PLA2G5: variants seen among roughly 807,000 people sequenced by gnomAD.
The protein encoded by PLA2G5 is phospholipase A2 group V, also known as Ca2+-dependent phospholipase A2.
A neutral mutation model predicts 15.9 loss-of-function variants in PLA2G5; 12 were observed. The ratio of observed to expected loss-of-function variants is 0.76; its 90% confidence interval spans 0.48 to 1.23. The LOEUF (loss-of-function observed/expected upper bound fraction) is 1.23. Ranked by LOEUF, PLA2G5 falls within the 50% of genes most tolerant of loss-of-function variation. The pLI, the probability that PLA2G5 is intolerant of heterozygous loss-of-function variation, is 0.00. For synonymous variants in PLA2G5, 71 were observed against 71.4 expected (o/e 0.99, Z 0.03); for missense variants, 169 against 177.1 (o/e 0.95, Z 0.26).
chr1:20,029,407 G>A (rs11588078), intron 1 of PLA2G5, among the ~76,000 whole-genome samples: 80 of 151,912 alleles, frequency 5.3e-4, no homozygotes, highest in African/African-American at 1.7e-3. Context: ...ATGTTCCTCC[G>A]CTGATATGCT....
chr1:20,077,250 G>T (rs2015738383), intron 1 of PLA2G5, among the ~76,000 whole-genome samples: 1 of 152,194 alleles, frequency 6.6e-6, no homozygotes, highest in African/African-American at 2.4e-5. Context: ...TGAATGATTG[G>T]ATCCATTGCC....
At chr1:20,062,395 A>G (rs2014779671) in intron 2 of PLA2G5, among the ~76,000 whole-genome samples, 1 of 152,194 alleles carries the variant, frequency 6.6e-6, no homozygotes, top group Non-Finnish European at 1.5e-5. Flanking sequence ...ACCAATGCGG[A>G]GTTCCCAGAC....
intron 3 of PLA2G5, among the ~76,000 whole-genome samples, chr1:20,087,214 T>C (rs537982953): frequency 1.3e-5 from 2 of 152,318 alleles, no homozygotes; most frequent in South Asian, 4.1e-4. Context: ...AAATGGTGTT[T>C]CCTCTGTAAG....
intron 1 of PLA2G5, among the ~76,000 whole-genome samples, chr1:20,074,816 A>G (rs552542982): frequency 3.3e-5 from 5 of 152,344 alleles, no homozygotes; most frequent in African/African-American, 9.6e-5. Flanking sequence ...CTGGAGCCAC[A>G]TGGGACAGTT....
intron 1 of PLA2G5, among the ~76,000 whole-genome samples, chr1:20,079,886 A>C (rs904310551): frequency 6.6e-6 from 1 of 152,202 alleles, no homozygotes; most frequent in Non-Finnish European, 1.5e-5. Context: ...GCACAGAGTC[A>C]GGTGCCAAAA....
At chr1:20,047,744 GTGTGTGTGTGTGTA>G (rs1339289022) in intron 1 of PLA2G5, among the ~76,000 whole-genome samples, 2 of 151,592 alleles carry the variant, frequency 1.3e-5, no homozygotes, top group Non-Finnish European at 2.9e-5. Flanking sequence ...GTGTGTGTGT[GTGTGTGTGTGTGTA>G]TGTGTATATA....
intron 1 of PLA2G5, chr1:20,076,837 G>C (rs181525227): frequency 6.6e-6 from 1 of 152,276 alleles, no homozygotes; most frequent in African/African-American, 2.4e-5. Context: ...TGGAAAGAAG[G>C]ATCATGGAAG....
intron 2 of PLA2G5, among the ~76,000 whole-genome samples, chr1:20,059,922 C>G (rs988724969): frequency 2.2e-4 from 34 of 152,176 alleles, no homozygotes; most frequent in Admixed American, 2.2e-3. Flanking sequence ...CAGATCAGTT[C>G]TGGGATGTGA....
At chr1:20,078,452 G>A (rs2015817619) in intron 1 of PLA2G5, among the ~76,000 whole-genome samples, 1 of 152,060 alleles carries the variant, frequency 6.6e-6, no homozygotes, top group African/African-American at 2.4e-5. Flanking sequence ...TGGTTGAGAA[G>A]AAGAAACGAA....
At chr1:20,066,323 C>T (rs2015024855), upstream of PLA2G5, among the ~76,000 whole-genome samples, 1 of 152,110 alleles carries the variant, frequency 6.6e-6, no homozygotes, top group Admixed American at 6.5e-5. Flanking sequence ...GACACAAGTC[C>T]TTTATCAGAT....
At chr1:20,031,991 G>A (rs2012978862) in intron 1 of PLA2G5, among the ~76,000 whole-genome samples, 1 of 152,140 alleles carries the variant, frequency 6.6e-6, no homozygotes, top group South Asian at 2.1e-4. Context: ...GAGAAACAGG[G>A]AGATTCTGGA....
chr1:20,057,591 TG>T (rs766476008), intron 1 of PLA2G5, among the ~76,000 whole-genome samples: 1 of 152,144 alleles, frequency 6.6e-6, no homozygotes, highest in Non-Finnish European at 1.5e-5. Flanking sequence ...GTCCACCTCC[TG>T]GGTTCAAGCG....
At chr1:20,071,086 C>T (rs1419542086) in intron 1 of PLA2G5, 5 of 152,174 alleles carry the variant, frequency 3.3e-5, no homozygotes, top group African/African-American at 9.7e-5. Flanking sequence ...AGGACAACTC[C>T]GAGCTTTGTC....
chr1:20,089,889 A>G lies in PLA2G5; in HGVS notation c.286A>G (p.Thr96Ala), dbSNP rs755283111. The change falls in exon 4 of 5, where the codon ACC (threonine) becomes GCC (alanine). Residue 96 changes from threonine to alanine, a missense_variant. By Grantham distance (58) the Thr-to-Ala change is moderately conservative. Coordinates refer to ENST00000375108, the MANE Select transcript of PLA2G5 (RefSeq NM_000929.3). ...ATACAGATTCGCGTGGGGCGTGGTCACCTGCGGTAAGGCTGGGGCTTCCCG... is the reference window on the plus strand; with the variant it reads ...ATACAGATTCGCGTGGGGCGTGGTCGCCTGCGGTAAGGCTGGGGCTTCCCG... ...YKYRFAWGVV[T>A]CEPGPFCHVN... 2 of 1,611,382 alleles carry G rather than the reference A, an allele frequency of 1.2e-6. No individual in the cohort carries two copies. The highest frequency in any genetic ancestry group is 1.1e-5 in the South Asian group (1 of 90,806).
intron 1 of PLA2G5, among the ~76,000 whole-genome samples, chr1:20,035,492 CA>C (rs376461978): frequency 3.7e-4 from 56 of 152,312 alleles, no homozygotes; most frequent in African/African-American, 1.0e-3. Context: ...GGGCATCTTA[CA>C]AAATGGTGCA....
At chr1:20,044,947 A>G (rs955582425) in intron 1 of PLA2G5, among the ~76,000 whole-genome samples, 1 of 152,060 alleles carries the variant, frequency 6.6e-6, no homozygotes, top group African/African-American at 2.4e-5. Context: ...CACATTGGGA[A>G]CAGAGACTAG....
chr1:20,033,831 T>C (rs2013100398), intron 1 of PLA2G5, among the ~76,000 whole-genome samples: 2 of 151,956 alleles, frequency 1.3e-5, no homozygotes, highest in South Asian at 4.2e-4. Context: ...TCAGGGGTTC[T>C]AGGATGGGCC....
intron 1 of PLA2G5, among the ~76,000 whole-genome samples, chr1:20,071,630 G>A (rs907352213): frequency 7.2e-5 from 11 of 152,088 alleles, no homozygotes; most frequent in Non-Finnish European, 1.5e-4. Flanking sequence ...AGACATTTTG[G>A]CAAAGGTAGA....
At chr1:20,062,791 A>G (rs1402366604) in intron 2 of PLA2G5, among the ~76,000 whole-genome samples, 7 of 152,122 alleles carry the variant, frequency 4.6e-5, no homozygotes, top group Non-Finnish European at 1.0e-4. Flanking sequence ...TAAATGGTAC[A>G]TCTGTGTGCC....
Sources: gnomAD v4.1 joint callset for allele counts (sites outside exome capture counted in the v4.1 genomes callset) on GRCh38, gnomAD v4.1.1 for gene constraint, MANE v1.5 for transcripts, NCBI Gene and HGNC (gene_info 2026-07-23, HGNC 2026-07-21) for gene names.